TMEM163: variants seen among roughly 807,000 people sequenced by gnomAD.
The protein encoded by TMEM163 is transmembrane protein 163.
A neutral mutation model predicts 29.3 loss-of-function variants in TMEM163; 17 were observed. The observed-to-expected ratio is 0.58, with a 90% confidence interval of 0.40 to 0.87. TMEM163 has a LOEUF of 0.87. TMEM163 is among the 40% of genes least tolerant of loss of function. The pLI is 0.00. For synonymous variants in TMEM163, 157 were observed against 160.6 expected, an observed-to-expected ratio of 0.98 and a Z score of 0.17; for missense variants, 303 against 381.5, an observed-to-expected ratio of 0.79 and a Z score of 1.71.
At chr2:134,466,327 G>A in intron 5 of TMEM163, 102 bp from the exon 6 acceptor site, 1 of 923,248 alleles carries the variant, frequency 1.1e-6, no homozygotes, top group South Asian at 1.5e-5. Flanking sequence ...AGTACAAATA[G>A]TCAGGTGTGC....
intron 4 of TMEM163, among the ~76,000 whole-genome samples, chr2:134,507,909 A>T (rs1679862391): frequency 6.6e-6 from 1 of 152,214 alleles, no homozygotes; most frequent in Non-Finnish European, 1.5e-5. Context: ...AATGTCTGAA[A>T]GGAAGCAATG....
chr2:134,661,780 T>A (rs1403052954), intron 2 of TMEM163, among the ~76,000 whole-genome samples: 1 of 152,174 alleles, frequency 6.6e-6, no homozygotes, highest in Non-Finnish European at 1.5e-5. Flanking sequence ...AATCCAAGAT[T>A]AGGAACCCAA....
At chr2:134,593,809 A>ATT (rs199837410) in intron 2 of TMEM163, among the ~76,000 whole-genome samples, 20 of 144,972 alleles carry the variant, frequency 1.4e-4, no homozygotes, top group African/African-American at 2.8e-4. Context: ...GACTCTGGGA[A>ATT]TTTTTTTTTT....
intron 4 of TMEM163, among the ~76,000 whole-genome samples, chr2:134,522,001 C>T (rs1680200440): frequency 6.6e-6 from 1 of 152,140 alleles, no homozygotes; most frequent in Admixed American, 6.5e-5. Context: ...AGGCTCAAAG[C>T]TTCCACTCCG....
intron 2 of TMEM163, among the ~76,000 whole-genome samples, chr2:134,657,895 A>G (rs1683656566): frequency 6.6e-6 from 1 of 152,186 alleles, no homozygotes; most frequent in East Asian, 1.9e-4. Context: ...AAAACTACCT[A>G]CTGGGTACTA....
At chr2:134,664,476 C>G (rs933176423) in intron 2 of TMEM163, among the ~76,000 whole-genome samples, 2 of 152,124 alleles carry the variant, frequency 1.3e-5, no homozygotes, top group Admixed American at 1.3e-4. Flanking sequence ...GGTCCTAATC[C>G]CTGGGATCTG....
Position 134,458,097 on chromosome 2 carries a change from C to T in TMEM163, c.744G>A (p.Ala248=), listed in dbSNP as rs147914319. 1.7e-5 allele frequency: 28 copies of T among 1,614,160 alleles called. No homozygotes were observed. The East Asian group carries it at 2.2e-4, about 13-fold the overall frequency. The change falls in exon 7 of 8, where the codon GCG becomes GCA. Residue 248 remains alanine (A), a synonymous_variant. Transcript: ENST00000281924. Reference sequence around the variant, plus strand: ...CTATGCTGCCGTCCAGGTACCAGACCGCCGAGTCATGCTTGAACACTTCCG... The same window carrying T: ...CTATGCTGCCGTCCAGGTACCAGACTGCCGAGTCATGCTTGAACACTTCCG... ...LSAEVFKHDS[A]VWYLDGSIGV...
chr2:134,695,977 G>C (rs1231689806), intron 2 of TMEM163, among the ~76,000 whole-genome samples: 1 of 151,596 alleles, frequency 6.6e-6, no homozygotes, highest in African/African-American at 2.4e-5. Context: ...CTTGAACCTA[G>C]GAGGCGGAGG....
intron 2 of TMEM163, among the ~76,000 whole-genome samples, chr2:134,706,588 C>T (rs1366901170): frequency 6.6e-6 from 1 of 152,162 alleles, no homozygotes; most frequent in East Asian, 1.9e-4. Flanking sequence ...AAAAGGTGAT[C>T]TTTCATCTTG....
chr2:134,628,732 AC>A (rs1482059064), intron 2 of TMEM163, among the ~76,000 whole-genome samples: 3 of 152,138 alleles, frequency 2.0e-5, no homozygotes, highest in Non-Finnish European at 4.4e-5. Flanking sequence ...TCTTGACCTC[AC>A]CCCATGTGCC....
intron 2 of TMEM163, among the ~76,000 whole-genome samples, chr2:134,647,922 G>A (rs568135540): frequency 6.6e-6 from 1 of 152,292 alleles, no homozygotes; most frequent in Admixed American, 6.5e-5. Context: ...GGGTGCCCAC[G>A]ACCCCTGAAG....
chr2:134,657,351 C>A (rs1334540397), intron 2 of TMEM163, among the ~76,000 whole-genome samples: 1 of 152,194 alleles, frequency 6.6e-6, no homozygotes. Context: ...TGAAGTACCA[C>A]ACAGCCATAG....
chr2:134,559,824 T>C (rs1462723463), intron 2 of TMEM163, among the ~76,000 whole-genome samples: 1 of 152,156 alleles, frequency 6.6e-6, no homozygotes, highest in African/African-American at 2.4e-5. Flanking sequence ...CTGGGCCACT[T>C]TGCAATGAAA....
At chr2:134,570,703 G>A (rs1385305585) in intron 2 of TMEM163, among the ~76,000 whole-genome samples, 1 of 152,070 alleles carries the variant, frequency 6.6e-6, no homozygotes, top group Non-Finnish European at 1.5e-5. Context: ...CACAGTGATA[G>A]GACAATCAGA....
chr2:134,656,132 C>T (rs1377889032), intron 2 of TMEM163, among the ~76,000 whole-genome samples: 3 of 144,166 alleles, frequency 2.1e-5, no homozygotes, highest in Non-Finnish European at 4.5e-5. Context: ...CAATGACGGG[C>T]GCCCCTCCCC....
intron 1 of TMEM163, 53 bp downstream of exon 1, chr2:134,718,681 G>C: frequency 9.0e-7 from 1 of 1,108,842 alleles, no homozygotes; most frequent in Non-Finnish European, 1.1e-6. Flanking sequence ...GGGGAGAGGC[G>C]GGCCCCGAGC....
In TMEM163 at chr2:134,611,806, C is replaced by T. The variant is rs141426431; in HGVS notation, c.323-59715G>A. On this transcript the variant is annotated intron_variant, in intron 2 of 7. Transcript: ENST00000281924. Reference sequence around the variant, plus strand: ...CCCGGAACACCTGCAGCCCTCTCAACGACGGCCAGAGCAGGCAGTGAAGAG... The same window carrying T: ...CCCGGAACACCTGCAGCCCTCTCAATGACGGCCAGAGCAGGCAGTGAAGAG... 6.5e-4 allele frequency among the ~76,000 whole-genome samples: 99 copies of T among 152,272 alleles called. 2 individuals are homozygous for T. The East Asian group carries it at 0.013, about 20-fold the overall frequency.
chr2:134,602,946 C>T (rs1682268651), intron 2 of TMEM163, among the ~76,000 whole-genome samples: 1 of 152,136 alleles, frequency 6.6e-6, no homozygotes, highest in Admixed American at 6.5e-5. Flanking sequence ...CACCTAGCTC[C>T]CCAGCTATAC....
At chr2:134,635,294 G>A (rs1051828013) in intron 2 of TMEM163, among the ~76,000 whole-genome samples, 9 of 152,074 alleles carry the variant, frequency 5.9e-5, no homozygotes, top group South Asian at 2.1e-4. Flanking sequence ...CTCAGTAGAC[G>A]GCTCTTCTAT....
Sources: allele counts gnomAD v4.1 joint callset (sites outside exome capture counted in the v4.1 genomes callset), GRCh38; gene constraint gnomAD v4.1.1; transcripts MANE v1.5; gene names NCBI Gene and HGNC (gene_info 2026-07-23, HGNC 2026-07-21).